The following DPEP1 variants were observed in gnomAD, a reference collection of about 807,000 sequenced individuals.
The protein encoded by DPEP1 is beta-lactamase.
A neutral mutation model predicts 42.3 loss-of-function variants in DPEP1; 50 were observed. That is an observed-to-expected ratio of 1.18 (90% CI 0.94 to 1.50). The LOEUF (loss-of-function observed/expected upper bound fraction) is 1.50, where lower values mean the gene tolerates loss of function less well. Ranked by LOEUF, DPEP1 falls within the 40% of genes most tolerant of loss-of-function variation. The pLI is 0.00. For missense variants in DPEP1, 663 were observed against 553.0 expected, an observed-to-expected ratio of 1.20 and a Z score of -1.99; for synonymous variants, 297 against 234.0, an observed-to-expected ratio of 1.27 and a Z score of -2.46.
intron 1 of DPEP1, among the ~76,000 whole-genome samples, chr16:89,623,184 A>T (rs1210810325): frequency 1.3e-5 from 2 of 152,030 alleles, no homozygotes; most frequent in East Asian, 3.9e-4. Context: ...CAGTTGCTTT[A>T]AAAGGAGCTG....
At chr16:89,620,026 C>G (rs191779785) in intron 1 of DPEP1, among the ~76,000 whole-genome samples, 3 of 148,668 alleles carry the variant, frequency 2.0e-5, no homozygotes, top group Admixed American at 2.0e-4. Context: ...GAGTATGCCC[C>G]CCTCCCGCCG....
Position 89,637,500 on chromosome 16 carries a change from C to G in DPEP1, c.801C>G (p.Phe267Leu), listed in dbSNP as rs1171527706. The change falls in exon 8 of 11, where the codon TTC becomes TTG. Residue 267 changes from phenylalanine to leucine, a missense_variant. Phe to Leu is a conservative substitution (Grantham distance 22, BLOSUM62 0). Transcript: ENST00000690203. ...CAGACAGCCTGGTGATGGTGAACTT[C>G]TACAACAATTACATTTCCTGCACCA... ...KQTDSLVMVNFYNNYISCTNK... is the reference protein window; with the variant it reads ...KQTDSLVMVNLYNNYISCTNK... The G allele has an allele frequency of 1.2e-6, 2 of 1,612,822 alleles. No homozygotes were observed. The highest frequency in any genetic ancestry group is 8.5e-7 in the Non-Finnish European group (1 of 1,179,982).
chr16:89,636,141 G>A, intron 3 of DPEP1, 101 bp downstream of exon 3: 2 of 1,546,224 alleles, frequency 1.3e-6, no homozygotes, highest in Admixed American at 2.0e-5. Flanking sequence ...TTCCTCCAGG[G>A]TCCCTCGGTG....
At chr16:89,633,779 G>A (rs995445074) in intron 2 of DPEP1, among the ~76,000 whole-genome samples, 1 of 152,264 alleles carries the variant, frequency 6.6e-6, no homozygotes, top group Non-Finnish European at 1.5e-5. Flanking sequence ...GTTACAGATG[G>A]GGAAACTGAG....
chr16:89,632,653 G>C (rs2059604555), intron 2 of DPEP1, among the ~76,000 whole-genome samples: 1 of 152,170 alleles, frequency 6.6e-6, no homozygotes, highest in South Asian at 2.1e-4. Context: ...CAGATAAGGA[G>C]GGTGGGTCTG....
At chr16:89,623,120 CAT>C (rs1265258699) in intron 1 of DPEP1, among the ~76,000 whole-genome samples, 4 of 151,956 alleles carry the variant, frequency 2.6e-5, no homozygotes, top group Admixed American at 6.6e-5. Context: ...CTTCCCTAAA[CAT>C]GTTTTTGAGA....
intron 2 of DPEP1, among the ~76,000 whole-genome samples, chr16:89,633,913 G>A (rs2059623577): frequency 6.6e-6 from 1 of 152,058 alleles, no homozygotes; most frequent in Non-Finnish European, 1.5e-5. Flanking sequence ...GGAGACTGAG[G>A]CCCCAGACCC....
At chr16:89,640,619 A>T, downstream of DPEP1, 1 of 982,480 alleles carries the variant, frequency 1.0e-6, no homozygotes. Context: ...TCCAGGATCC[A>T]CTTATCAATA....
At chr16:89,628,340 C>T (rs1165953092) in intron 1 of DPEP1, among the ~76,000 whole-genome samples, 1 of 150,250 alleles carries the variant, frequency 6.7e-6, no homozygotes. Context: ...TCATGGCATC[C>T]TCCACCTCCC....
At chr16:89,625,701 C>A (rs954387317) in intron 1 of DPEP1, among the ~76,000 whole-genome samples, 1 of 152,132 alleles carries the variant, frequency 6.6e-6, no homozygotes, top group Non-Finnish European at 1.5e-5. Context: ...AACTCTGGGA[C>A]AAACTATAAA....
intron 1 of DPEP1, among the ~76,000 whole-genome samples, chr16:89,626,707 C>G (rs559080612): frequency 1.3e-5 from 2 of 152,068 alleles, no homozygotes; most frequent in African/African-American, 2.4e-5. Context: ...CTCTCTCCCC[C>G]GCTGCCATTT....
At chr16:89,633,797 G>GGAGCTGTCCTC (rs1212413818) in intron 2 of DPEP1, among the ~76,000 whole-genome samples, 144 of 151,508 alleles carry the variant, frequency 9.5e-4, no homozygotes, top group Middle Eastern at 3.4e-3. Context: ...GAGGCACAGG[G>GGAGCTGTCCTC]ATGGGTCTGG....
At position 89,628,254 on chromosome 16, in the gene DPEP1, TTC is replaced by T. The variant is rs1491127213; in HGVS notation, c.-106-2049_-106-2048del. ...GTATTTCTTTCTTTCTTTCTTTTCT[TTC>T]TTTTTTTTTTTTTTTTGTGAGATAG... On this transcript the variant is annotated intron_variant, in intron 1 of 10. Coordinates refer to ENST00000690203, the MANE Select transcript of DPEP1 (RefSeq NM_001389466.1). Among the ~76,000 whole-genome samples the T allele has an allele frequency of 9.0e-4, 77 of 85,154 alleles. 8 individuals are homozygous for T. Among genetic ancestry groups the T allele is most frequent in the South Asian group, 1.1e-3 (3 of 2,676 alleles). 55.9% of individuals were successfully genotyped at this position (85,154 alleles called of 152,430 possible).
chr16:89,635,847 C>T (rs142693284), intron 2 of DPEP1, 61 bp from the exon 3 acceptor site: 97 of 1,522,726 alleles, frequency 6.4e-5, no homozygotes, highest in South Asian at 4.7e-4. Flanking sequence ...GCCAGGAGCT[C>T]GGAAGCCCCC....
chr16:89,637,128 C>T (rs1476517107), intron 6 of DPEP1, 76 bp from the exon 7 acceptor site: 6 of 1,558,330 alleles, frequency 3.9e-6, no homozygotes, highest in African/African-American at 2.7e-5. Flanking sequence ...TGATGACTCA[C>T]ATCTGGTCCA....
rs190682629 is a variant in DPEP1 at position 89,623,983 on chromosome 16, G to A, written c.-106-6322G>A. ...GAACAGCGGTTGCCCACACACAGCC[G>A]GGCCCATCCACCACACATGCACAGA... On this transcript the variant is annotated intron_variant, in intron 1 of 10. Coordinates refer to ENST00000690203, the MANE Select transcript of DPEP1 (RefSeq NM_001389466.1). Among the ~76,000 whole-genome samples the A allele has an allele frequency of 4.9e-4, 75 of 152,204 alleles. 3 individuals are homozygous for A. In the East Asian group the frequency reaches 0.01, roughly 20 times the overall value.
chr16:89,626,907 C>G (rs1417763877), intron 1 of DPEP1, among the ~76,000 whole-genome samples: 2 of 150,216 alleles, frequency 1.3e-5, no homozygotes, highest in African/African-American at 4.9e-5. Flanking sequence ...CACTTGGGGT[C>G]AGGAGTTTGA....
Position 89,630,395 on chromosome 16 carries a change from C to T in DPEP1, c.-16C>T. 1 of 1,605,100 alleles carries T rather than the reference C, an allele frequency of 6.2e-7. No homozygotes were observed. Among genetic ancestry groups the T allele is most frequent in the Non-Finnish European group, 8.5e-7 (1 of 1,174,704 alleles). On this transcript the variant is annotated 5_prime_UTR_variant, in exon 2 of 11. Transcript: ENST00000690203. ...CACCAGGGCAGCAGTGCACACAGGT[C>T]CCCGGGGACCCCACCATGTGGAGCG...
chr16:89,616,217 G>C (rs575776208), intron 1 of DPEP1, among the ~76,000 whole-genome samples: 1 of 152,292 alleles, frequency 6.6e-6, no homozygotes, highest in Non-Finnish European at 1.5e-5. Context: ...ATAGGGCTCA[G>C]AGCCCAGAAA....
Sources: allele counts gnomAD v4.1 joint callset (sites outside exome capture counted in the v4.1 genomes callset), GRCh38; gene constraint gnomAD v4.1.1; transcripts MANE v1.5; gene names NCBI Gene and HGNC (gene_info 2026-07-23, HGNC 2026-07-21).